The following DLGAP2 variants were observed in gnomAD, a reference collection of about 807,000 sequenced individuals.
The protein encoded by DLGAP2 is DLG associated protein 2.
DLGAP2 carries 26 observed loss-of-function variants against 100.3 expected under a neutral mutation model. That is an observed-to-expected ratio of 0.26 (90% CI 0.19 to 0.36). DLGAP2 has a LOEUF of 0.36. DLGAP2 is among the 10% of genes least tolerant of loss of function. The pLI is 1.00. For synonymous variants in DLGAP2, 886 were observed against 630.1 expected, an observed-to-expected ratio of 1.41 and a Z score of -6.08; for missense variants, 1,858 against 1,453.2, an observed-to-expected ratio of 1.28 and a Z score of -4.53.
intron 2 of DLGAP2, among the ~76,000 whole-genome samples, chr8:1,041,530 T>G (rs575160233): frequency 6.0e-5 from 9 of 150,984 alleles, no homozygotes; most frequent in Non-Finnish European, 1.2e-4. Context: ...CTGAGCCCCT[T>G]GCCGTGGGTG....
At chr8:928,361 C>T (rs1460940624) in intron 2 of DLGAP2, among the ~76,000 whole-genome samples, 1 of 151,970 alleles carries the variant, frequency 6.6e-6, no homozygotes, top group Non-Finnish European at 1.5e-5. Context: ...GTGTCCTGGT[C>T]GGGGATTTAC....
chr8:1,092,670 G>T (rs1309409802), intron 2 of DLGAP2, among the ~76,000 whole-genome samples: 1 of 152,178 alleles, frequency 6.6e-6, no homozygotes, highest in Non-Finnish European at 1.5e-5. Flanking sequence ...ACACTGTCTC[G>T]TGCTGAGGTT....
intron 2 of DLGAP2, among the ~76,000 whole-genome samples, chr8:1,185,717 ACACACACACTCACACT>A (rs1456608224): frequency 1.2e-3 from 107 of 88,318 alleles, no homozygotes; most frequent in East Asian, 8.9e-3. Flanking sequence ...ACTCACACAC[ACACACACACTCACACT>A]CACACACACA....
intron 1 of DLGAP2, among the ~76,000 whole-genome samples, chr8:851,098 A>G (rs957577836): frequency 1.2e-4 from 19 of 152,208 alleles, no homozygotes; most frequent in Non-Finnish European, 2.2e-4. Context: ...TGTTTGTGCC[A>G]TAGGTGTTTG....
chr8:814,127 A>G (rs1425367601), intron 1 of DLGAP2, among the ~76,000 whole-genome samples: 1 of 152,246 alleles, frequency 6.6e-6, no homozygotes, highest in Admixed American at 6.5e-5. Flanking sequence ...GCAGGATGCC[A>G]TAAAAAAGGA....
chr8:1,229,062 T>A (rs895190963), intron 2 of DLGAP2, among the ~76,000 whole-genome samples: 10 of 152,212 alleles, frequency 6.6e-5, no homozygotes, highest in Admixed American at 3.3e-4. Flanking sequence ...AAATAATAAC[T>A]GAATTCAGCA....
intron 1 of DLGAP2, among the ~76,000 whole-genome samples, chr8:857,026 A>G (rs1389396753): frequency 6.6e-6 from 1 of 152,246 alleles, no homozygotes; most frequent in Admixed American, 6.5e-5. Flanking sequence ...ATAGACAAAT[A>G]GATCAATGGA....
intron 3 of DLGAP2, among the ~76,000 whole-genome samples, chr8:1,331,441 C>A (rs542184911): frequency 6.6e-6 from 1 of 152,266 alleles, no homozygotes; most frequent in East Asian, 1.9e-4. Context: ...ACCTGCCCTC[C>A]TTCCAGGCAC....
chr8:1,429,074 T>A (rs1461641625), intron 3 of DLGAP2, among the ~76,000 whole-genome samples: 1 of 152,200 alleles, frequency 6.6e-6, no homozygotes, highest in Non-Finnish European at 1.5e-5. Flanking sequence ...CTCTAGGGCT[T>A]CAGAGGTGAG....
At chr8:1,339,942 A>T (rs530237092) in intron 3 of DLGAP2, among the ~76,000 whole-genome samples, 1 of 152,242 alleles carries the variant, frequency 6.6e-6, no homozygotes, top group Non-Finnish European at 1.5e-5. Context: ...AACAGCTAGT[A>T]TCGTGATCTT....
chr8:1,680,301 C>A (rs960101627), intron 12 of DLGAP2, among the ~76,000 whole-genome samples: 6 of 152,184 alleles, frequency 3.9e-5, no homozygotes, highest in African/African-American at 1.4e-4. Context: ...TTCTAGATGG[C>A]TGTTTTAATA....
intron 2 of DLGAP2, among the ~76,000 whole-genome samples, chr8:919,400 T>C (rs1054225829): frequency 6.6e-6 from 1 of 152,116 alleles, no homozygotes; most frequent in Non-Finnish European, 1.5e-5. Context: ...AGTACTAGGT[T>C]TTGGGCAGCG....
chr8:1,578,719 C>T (rs1803097590), intron 6 of DLGAP2, among the ~76,000 whole-genome samples: 1 of 152,132 alleles, frequency 6.6e-6, no homozygotes, highest in Non-Finnish European at 1.5e-5. Context: ...TTCACTTATA[C>T]CCTGCTATGT....
intron 14 of DLGAP2, among the ~76,000 whole-genome samples, chr8:1,700,082 A>G (rs1214191712): frequency 6.6e-6 from 1 of 152,176 alleles, no homozygotes; most frequent in African/African-American, 2.4e-5. Flanking sequence ...TGGCCTAGTC[A>G]CGTAAAACAA....
At chr8:990,340 T>C (rs1800629653) in intron 2 of DLGAP2, among the ~76,000 whole-genome samples, 1 of 140,114 alleles carries the variant, frequency 7.1e-6, no homozygotes, top group Non-Finnish European at 1.5e-5. Context: ...TCGGAGTTCC[T>C]GTTCTTCTCT....
At chr8:748,771 C>G (rs984623428) in intron 1 of DLGAP2, among the ~76,000 whole-genome samples, 4 of 152,206 alleles carry the variant, frequency 2.6e-5, no homozygotes, top group Non-Finnish European at 5.9e-5. Flanking sequence ...CTGGGATGCT[C>G]TCGGAAAGCA....
intron 2 of DLGAP2, among the ~76,000 whole-genome samples, chr8:1,129,043 A>G (rs1796231699): frequency 6.6e-6 from 1 of 152,128 alleles, no homozygotes; most frequent in Admixed American, 6.5e-5. Flanking sequence ...ATCAAAACAA[A>G]CTCACAATTC....
At chr8:1,239,519 C>G (rs1287948700) in intron 2 of DLGAP2, among the ~76,000 whole-genome samples, 1 of 102,890 alleles carries the variant, frequency 9.7e-6, no homozygotes, top group Non-Finnish European at 1.8e-5. Context: ...CTAGTTCTCT[C>G]ACATGGTGCC....
chr8:834,419 G>A (rs1189825962), intron 1 of DLGAP2, among the ~76,000 whole-genome samples: 1 of 152,196 alleles, frequency 6.6e-6, no homozygotes, highest in Non-Finnish European at 1.5e-5. Flanking sequence ...AATGCAGGCC[G>A]ACGCATGCGC....
Sources: gnomAD v4.1 joint callset for allele counts (sites outside exome capture counted in the v4.1 genomes callset) on GRCh38, gnomAD v4.1.1 for gene constraint, MANE v1.5 for transcripts, NCBI Gene and HGNC (gene_info 2026-07-23, HGNC 2026-07-21) for gene names.